The following SPPL2A variants were observed in gnomAD, a reference collection of about 807,000 sequenced individuals.
The protein encoded by SPPL2A is signal peptide peptidase-like 2A.
Under a neutral mutation model 63.8 loss-of-function variants are expected in SPPL2A, and 51 were observed. The observed-to-expected ratio is 0.80, with a 90% CI of 0.64 to 1.01. SPPL2A has a LOEUF of 1.01. SPPL2A is among the 50% of genes least tolerant of loss of function. The pLI, the probability that SPPL2A is intolerant of heterozygous loss-of-function variation, is 0.00. For synonymous variants in SPPL2A, 188 were observed against 205.8 expected, an observed-to-expected ratio of 0.91 and a Z score of 0.74; for missense variants, 553 against 622.7, an observed-to-expected ratio of 0.89 and a Z score of 1.19.
intron 6 of SPPL2A, among the ~76,000 whole-genome samples, chr15:50,739,448 G>C (rs1297712072): frequency 6.6e-6 from 1 of 151,556 alleles, no homozygotes; most frequent in East Asian, 1.9e-4. Context: ...CAAAGTGCTG[G>C]GATTACAGGT....
chr15:50,712,980 G>A (rs12915606), intron 14 of SPPL2A, among the ~76,000 whole-genome samples: 13,285 of 151,768 alleles, frequency 0.088, 737 homozygotes, highest in South Asian at 0.15. Flanking sequence ...CATCATGTCC[G>A]GCCCCACTAT....
chr15:50,748,072 A>T, intron 4 of SPPL2A, 41 bp downstream of exon 4: 1 of 766,586 alleles, frequency 1.3e-6, no homozygotes, highest in Non-Finnish European at 2.0e-6. Context: ...AAAGAGATAC[A>T]GTATTTATAA....
At chr15:50,728,358 T>C (rs1019470529) in intron 10 of SPPL2A, among the ~76,000 whole-genome samples, 4 of 152,206 alleles carry the variant, frequency 2.6e-5, no homozygotes, top group Admixed American at 2.6e-4. Flanking sequence ...TTTTATTTAT[T>C]TTTGAGACGG....
chr15:50,746,393 G>A (rs1406923621), intron 5 of SPPL2A, among the ~76,000 whole-genome samples: 1 of 132,518 alleles, frequency 7.5e-6, no homozygotes, highest in Non-Finnish European at 1.5e-5. Context: ...AGCCAAGATC[G>A]CACCACTGTA....
At chr15:50,765,005 G>A (rs761038336) in intron 1 of SPPL2A, among the ~76,000 whole-genome samples, 5 of 151,984 alleles carry the variant, frequency 3.3e-5, no homozygotes, top group Non-Finnish European at 7.4e-5. Context: ...AGACATCCGT[G>A]TTAGTGCAAT....
chr15:50,758,392 G>A (rs2062979730), intron 1 of SPPL2A, among the ~76,000 whole-genome samples: 1 of 151,268 alleles, frequency 6.6e-6, no homozygotes, highest in African/African-American at 2.4e-5. Flanking sequence ...GAGTGCAGTG[G>A]CGTGATCTAG....
chr15:50,714,988 GT>G (rs951396907), intron 14 of SPPL2A, among the ~76,000 whole-genome samples: 9 of 151,080 alleles, frequency 6.0e-5, no homozygotes, highest in African/African-American at 1.9e-4. Flanking sequence ...TTTTTAAGAA[GT>G]TTTTTTTGGT....
Position 50,719,940 on chromosome 15 carries a change from C to T in SPPL2A, c.1488G>A (p.Gln496=). 6.2e-7 allele frequency: 1 copy of T among 1,608,372 alleles called. No homozygotes were observed. The highest frequency in any genetic ancestry group is 8.5e-7 in the Non-Finnish European group (1 of 1,177,702). The change falls in exon 14 of 15, where the codon CAG becomes CAA. Residue 496 remains glutamine, a splice_region_variant and synonymous_variant. Coordinates refer to ENST00000261854, the MANE Select transcript of SPPL2A (RefSeq NM_032802.4). ...TGGTAACCAAAGTATAAGCACATAC[C>T]TGATAGCTGTTACCTTTCCAGAACT... ...MKKFWKGNSY[Q]MMDHLDCATN... is the part of the protein sequence containing the mutation.
chr15:50,707,281 G>C lies in SPPL2A; in HGVS notation c.*519C>G, dbSNP rs994766066. ...CTACAGGCACCCTCCACCACGCCCA[G>C]CTAATTTTTGGTATTTTTAGTAGAG... On this transcript the variant is annotated 3_prime_UTR_variant, in exon 15 of 15. Coordinates refer to ENST00000261854, the MANE Select transcript of SPPL2A (RefSeq NM_032802.4). The C allele has an allele frequency of 6.6e-6, 1 of 152,398 alleles. No homozygotes were observed. The highest frequency in any genetic ancestry group is 1.5e-5 in the Non-Finnish European group (1 of 68,234). 9.4% of individuals were successfully genotyped at this position (152,398 alleles called of 1,614,324 possible).
At chr15:50,712,677 C>CCG (rs2062568887) in intron 14 of SPPL2A, among the ~76,000 whole-genome samples, 1 of 133,740 alleles carries the variant, frequency 7.5e-6, no homozygotes, top group Non-Finnish European at 1.6e-5. Flanking sequence ...CCCTCCCCCC[C>CCG]CCTTTTTTTT....
intron 1 of SPPL2A, 91 bp downstream of exon 1, chr15:50,765,377 G>C: frequency 1.0e-6 from 1 of 999,068 alleles, no homozygotes; most frequent in African/African-American, 1.7e-5. Flanking sequence ...GCAGAGGGGA[G>C]GCCGGGCGAG....
chr15:50,755,308 ACT>A (rs1398131727), intron 1 of SPPL2A, among the ~76,000 whole-genome samples: 2 of 145,370 alleles, frequency 1.4e-5, no homozygotes, highest in African/African-American at 5.3e-5. Context: ...ACAGAACGAG[ACT>A]CTGTCTCAAA....
rs1027545641 is a variant in SPPL2A at position 50,706,247 on chromosome 15, G to A, written c.*1553C>T. 2 of 151,300 alleles carry A rather than the reference G, an allele frequency of 1.3e-5. No homozygotes were observed. Among genetic ancestry groups the A allele is most frequent in the African/African-American group, 2.4e-5 (1 of 41,124 alleles). 9.4% of individuals were successfully genotyped at this position (151,300 alleles called of 1,614,324 possible). On this transcript the variant is annotated 3_prime_UTR_variant, in exon 15 of 15. Coordinates refer to ENST00000261854, the MANE Select transcript of SPPL2A (RefSeq NM_032802.4). Reference sequence around the variant, plus strand: ...TCTACTAAAACTACAAAAAATAGCCGGGCGTAGTGGCGGGCGCCTGTAGTC... The same window carrying A: ...TCTACTAAAACTACAAAAAATAGCCAGGCGTAGTGGCGGGCGCCTGTAGTC...
intron 14 of SPPL2A, among the ~76,000 whole-genome samples, chr15:50,714,631 C>CAA (rs71127125): frequency 4.1e-4 from 47 of 114,242 alleles, no homozygotes; most frequent in African/African-American, 6.5e-4. Flanking sequence ...AACTCCATCT[C>CAA]AAAAAAAAAA....
chr15:50,711,672 A>G (rs928028187), intron 14 of SPPL2A, among the ~76,000 whole-genome samples: 1 of 152,196 alleles, frequency 6.6e-6, no homozygotes, highest in Non-Finnish European at 1.5e-5. Context: ...AACAGCATGG[A>G]AAGACTGCCA....
intron 3 of SPPL2A, among the ~76,000 whole-genome samples, chr15:50,748,446 C>A (rs1287449549): frequency 3.3e-5 from 5 of 151,092 alleles, no homozygotes; most frequent in Non-Finnish European, 5.9e-5. Flanking sequence ...ACATATATAT[C>A]TCTATATATA....
At chr15:50,726,087 C>G in intron 11 of SPPL2A, 1 of 1,493,428 alleles carries the variant, frequency 6.7e-7, no homozygotes, top group Non-Finnish European at 8.9e-7. Context: ...TCATGGGGAG[C>G]TGAGGGTTGA....
chr15:50,731,375 G>A (rs554293925), intron 9 of SPPL2A, among the ~76,000 whole-genome samples: 10 of 151,962 alleles, frequency 6.6e-5, no homozygotes, highest in South Asian at 2.1e-4. Flanking sequence ...GTGAAACCCC[G>A]TCTCTACTAA....
intron 14 of SPPL2A, 27 bp downstream of exon 14, chr15:50,719,913 C>A: frequency 3.8e-6 from 6 of 1,563,918 alleles, no homozygotes; most frequent in Non-Finnish European, 4.3e-6. Flanking sequence ...CATAAGATAA[C>A]TTGGTAACCA....
Sources: allele counts gnomAD v4.1 joint callset (sites outside exome capture counted in the v4.1 genomes callset), GRCh38; gene constraint gnomAD v4.1.1; transcripts MANE v1.5; gene names NCBI Gene and HGNC (gene_info 2026-07-23, HGNC 2026-07-21).